PLCB4: variants seen among roughly 807,000 people sequenced by gnomAD.
The protein encoded by PLCB4 is phospholipase C beta 4.
Under a neutral mutation model 178.8 loss-of-function variants are expected in PLCB4, and 77 were observed. The observed-to-expected ratio is 0.43, with a 90% CI of 0.36 to 0.52. PLCB4 has a LOEUF of 0.52. Among genes scored for constraint, PLCB4 ranks in the 20% least tolerant of loss-of-function variants. The pLI is 0.00. For synonymous variants in PLCB4, 496 were observed against 490.8 expected (o/e 1.01, Z -0.14); for missense variants, 1,024 against 1,453.4 (o/e 0.70, Z 4.80).
At chr20:9,084,699 G>T (rs2146533313) in intron 1 of PLCB4, among the ~76,000 whole-genome samples, 1 of 152,090 alleles carries the variant, frequency 6.6e-6, no homozygotes, top group East Asian at 1.9e-4. Flanking sequence ...TAGAATTGAG[G>T]TTATAAAACA....
intron 2 of PLCB4, among the ~76,000 whole-genome samples, chr20:9,211,974 C>T (rs951692847): frequency 6.6e-5 from 10 of 152,148 alleles, no homozygotes; most frequent in African/African-American, 2.2e-4. Flanking sequence ...ATTGTAAAAA[C>T]GTCCACAAGG....
At chr20:9,217,538 C>A (rs1280185298) in intron 3 of PLCB4, 86 bp downstream of exon 3, 1 of 152,218 alleles carries the variant, frequency 6.6e-6, no homozygotes, top group African/African-American at 2.4e-5. Context: ...TTCATTCTGG[C>A]TGATGCTGCT....
At chr20:9,239,932 G>C (rs181346354) in intron 3 of PLCB4, among the ~76,000 whole-genome samples, 41 of 152,298 alleles carry the variant, frequency 2.7e-4, no homozygotes, top group Middle Eastern at 3.4e-3. Context: ...ATGAAGGCTG[G>C]AAGACTCGCA....
At chr20:9,267,404 T>C (rs2094359468) in intron 3 of PLCB4, among the ~76,000 whole-genome samples, 1 of 152,204 alleles carries the variant, frequency 6.6e-6, no homozygotes. Flanking sequence ...ACACTGGCCT[T>C]ACATGGTTAA....
chr20:9,211,098 C>T lies in PLCB4; in HGVS notation c.-78-6292C>T, dbSNP rs8125638. On this transcript the variant is annotated intron_variant, in intron 2 of 39. Coordinates refer to ENST00000378473, the MANE Select transcript of PLCB4 (RefSeq NM_001377142.1). ...CCACCCACTTTCTTTTTTTAACCTG[C>T]GATTCATTCGAGGGCTTTTATGGAA... 5.3e-3 allele frequency among the ~76,000 whole-genome samples: 805 copies of T among 152,180 alleles called. 10 individuals are homozygous for T. The highest frequency in any genetic ancestry group is 0.019 in the African/African-American group (771 of 41,508).
intron 2 of PLCB4, among the ~76,000 whole-genome samples, chr20:9,110,074 T>C (rs148792402): frequency 1.3e-4 from 20 of 152,166 alleles, no homozygotes; most frequent in Admixed American, 3.3e-4. Flanking sequence ...CAATGGGTAT[T>C]TTACTAAACA....
chr20:9,169,920 T>C (rs2093036343), intron 2 of PLCB4, among the ~76,000 whole-genome samples: 1 of 152,226 alleles, frequency 6.6e-6, no homozygotes. Context: ...AAAAATAAAC[T>C]GCAGGCATAG....
chr20:9,122,671 A>G (rs1387688832), intron 2 of PLCB4, among the ~76,000 whole-genome samples: 1 of 152,182 alleles, frequency 6.6e-6, no homozygotes, highest in African/African-American at 2.4e-5. Context: ...GCAGTTAAAA[A>G]TCACGCGCAT....
chr20:9,424,807 G>A (rs2148586851), intron 28 of PLCB4, among the ~76,000 whole-genome samples: 1 of 152,298 alleles, frequency 6.6e-6, no homozygotes, highest in Admixed American at 6.5e-5. Flanking sequence ...TGGGCGGGGT[G>A]TCTGTAGACA....
intron 4 of PLCB4, among the ~76,000 whole-genome samples, chr20:9,331,472 A>AG (rs1437708018): frequency 1.3e-5 from 2 of 152,188 alleles, no homozygotes; most frequent in African/African-American, 2.4e-5. Flanking sequence ...CAAGAGAGAA[A>AG]GGGTAAGAAA....
At chr20:9,313,863 CT>C (rs977439145) in intron 4 of PLCB4, among the ~76,000 whole-genome samples, 14 of 152,214 alleles carry the variant, frequency 9.2e-5, no homozygotes, top group African/African-American at 3.4e-4. Flanking sequence ...CACCCCTCCA[CT>C]TTCTTCCACT....
At chr20:9,121,920 G>T (rs1472439059) in intron 2 of PLCB4, among the ~76,000 whole-genome samples, 1 of 152,138 alleles carries the variant, frequency 6.6e-6, no homozygotes, top group East Asian at 1.9e-4. Flanking sequence ...TAGTTTTCAA[G>T]TCGAATTATT....
intron 3 of PLCB4, among the ~76,000 whole-genome samples, chr20:9,256,786 G>A (rs114672990): frequency 1.7e-3 from 257 of 152,348 alleles, no homozygotes; most frequent in African/African-American, 6.0e-3. Flanking sequence ...GTTGTATAAT[G>A]TGCATATATA....
rs894949081 is a variant in PLCB4 at position 9,286,700 on chromosome 20, G to T, written c.-15-21100G>T. On this transcript the variant is annotated intron_variant, in intron 3 of 39. Coordinates refer to ENST00000378473, the MANE Select transcript of PLCB4 (RefSeq NM_001377142.1). ...GTTATTTTAAGACCACGCCAGTGAG[G>T]TCATTCTGAGTCATGACCTCATGGA... is the stretch of plus-strand genomic sequence containing the variant. Among the ~76,000 whole-genome samples the T allele has an allele frequency of 3.9e-5, 6 of 152,144 alleles. No homozygotes were observed. In the East Asian group the frequency reaches 1.2e-3, roughly 30 times the overall value.
intron 2 of PLCB4, among the ~76,000 whole-genome samples, chr20:9,198,273 C>A (rs2093498151): frequency 6.6e-6 from 1 of 152,254 alleles, no homozygotes; most frequent in Admixed American, 6.5e-5. Flanking sequence ...CACATTCCCC[C>A]CCTCTCAAAA....
Position 9,338,906 on chromosome 20 carries a change from T to C in PLCB4, c.238T>C (p.Leu80=). The C allele has an allele frequency of 6.2e-7, 1 of 1,613,422 alleles. No homozygotes were observed. Among genetic ancestry groups the C allele is most frequent in the Non-Finnish European group, 8.5e-7 (1 of 1,179,580 alleles). The change falls in exon 7 of 40, where the codon TTG becomes CTG. Residue 80 remains leucine (L), a synonymous_variant. Transcript: ENST00000378473. ...TACCTCTATACAGGATCCCAAAATC[T>C]TGGCTGCTCTTGAAGCTGTTGGAAA... ...SGAIPKDPKI[L]AALEAVGKSE...
At chr20:9,396,426 T>G (rs2038590267) in intron 19 of PLCB4, among the ~76,000 whole-genome samples, 1 of 152,248 alleles carries the variant, frequency 6.6e-6, no homozygotes, top group African/African-American at 2.4e-5. Context: ...ATTATCTCTG[T>G]GTAGCTAGAT....
intron 29 of PLCB4, 106 bp from the exon 30 acceptor site, chr20:9,436,896 G>A (rs1040995783): frequency 9.6e-7 from 1 of 1,045,144 alleles, no homozygotes; most frequent in Non-Finnish European, 1.4e-6. Flanking sequence ...TAGAAGTCTA[G>A]GAAGAGTATG....
At chr20:9,398,464 G>T (rs970420925) in intron 19 of PLCB4, among the ~76,000 whole-genome samples, 8 of 152,116 alleles carry the variant, frequency 5.3e-5, no homozygotes, top group Admixed American at 5.2e-4. Flanking sequence ...CAAAAAAGAT[G>T]ACTATTCAGT....
Sources: gnomAD v4.1 joint callset for allele counts (sites outside exome capture counted in the v4.1 genomes callset) on GRCh38, gnomAD v4.1.1 for gene constraint, MANE v1.5 for transcripts, NCBI Gene and HGNC (gene_info 2026-07-23, HGNC 2026-07-21) for gene names.